HTR4: variants seen among roughly 807,000 people sequenced by gnomAD.
The protein encoded by HTR4 is 5-hydroxytryptamine receptor 4, also known as 5-hydroxytryptamine (serotonin) receptor 4, G protein-coupled.
In HTR4, 16 loss-of-function variants were observed where a neutral mutation model predicts 36.8. That is an observed-to-expected ratio of 0.43 (90% CI 0.29 to 0.66). The LOEUF is 0.66. Among genes scored for constraint, HTR4 ranks in the 30% least tolerant of loss-of-function variants. The pLI, the probability that HTR4 is intolerant of heterozygous loss-of-function variation, is 0.13. For missense variants in HTR4, 438 were observed against 490.9 expected, an observed-to-expected ratio of 0.89 and a Z score of 1.02; for synonymous variants, 189 against 185.1, an observed-to-expected ratio of 1.02 and a Z score of -0.17.
chr5:148,576,120 A>AAAAAAACAAAC (rs1760897954), intron 2 of HTR4, among the ~76,000 whole-genome samples: 2 of 130,782 alleles, frequency 1.5e-5, no homozygotes, highest in African/African-American at 5.7e-5. Flanking sequence ...CAAAAAAAAA[A>AAAAAAACAAAC]AAAAAAAAAA....
At chr5:148,592,326 C>T (rs1053728405) in intron 2 of HTR4, among the ~76,000 whole-genome samples, 2 of 152,116 alleles carry the variant, frequency 1.3e-5, no homozygotes, top group Non-Finnish European at 2.9e-5. Flanking sequence ...GTACAACAAA[C>T]TCCCATGCCC....
At chr5:148,579,293 C>CA (rs1273776239) in intron 2 of HTR4, among the ~76,000 whole-genome samples, 1 of 152,028 alleles carries the variant, frequency 6.6e-6, no homozygotes, top group East Asian at 1.9e-4. Context: ...TCATAGTTCT[C>CA]AGAGTTTGCT....
intron 5 of HTR4, among the ~76,000 whole-genome samples, chr5:148,514,874 GTGTA>G (rs1254258186): frequency 9.9e-5 from 15 of 152,104 alleles, no homozygotes; most frequent in Middle Eastern, 3.4e-3. Flanking sequence ...CACTTGCATA[GTGTA>G]TGTATTTCTA....
chr5:148,471,808 G>A (rs758930539), downstream of HTR4, among the ~76,000 whole-genome samples: 1 of 152,180 alleles, frequency 6.6e-6, no homozygotes, highest in Non-Finnish European at 1.5e-5. Context: ...GTGTGCATAT[G>A]TCCAGATTTT....
At chr5:148,458,155 CA>C (rs1263563417) in intron 5 of HTR4, among the ~76,000 whole-genome samples, 75 of 130,942 alleles carry the variant, frequency 5.7e-4, no homozygotes, top group African/African-American at 1.7e-3. Flanking sequence ...TTTAATATAT[CA>C]TTAAAATATA....
intron 5 of HTR4, among the ~76,000 whole-genome samples, chr5:148,516,532 C>A (rs1757764558): frequency 6.6e-6 from 1 of 151,734 alleles, no homozygotes; most frequent in African/African-American, 2.4e-5. Context: ...ATTGGCCAGG[C>A]TGGTCTTGAA....
intron 5 of HTR4, among the ~76,000 whole-genome samples, chr5:148,457,045 G>C (rs1259596645): frequency 6.6e-6 from 1 of 152,188 alleles, no homozygotes; most frequent in Non-Finnish European, 1.5e-5. Context: ...ACTTAGAGCA[G>C]CTTGGATTTG....
intron 5 of HTR4, among the ~76,000 whole-genome samples, chr5:148,515,592 A>G (rs1402467914): frequency 6.6e-6 from 1 of 152,134 alleles, no homozygotes; most frequent in Non-Finnish European, 1.5e-5. Flanking sequence ...GCATATTTTC[A>G]TTGGGTATAG....
At chr5:148,527,004 T>G (rs1323840718) in intron 4 of HTR4, among the ~76,000 whole-genome samples, 1 of 152,150 alleles carries the variant, frequency 6.6e-6, no homozygotes, top group Non-Finnish European at 1.5e-5. Flanking sequence ...TATTGTATCT[T>G]TCAAAATAGC....
intron 1 of HTR4, among the ~76,000 whole-genome samples, chr5:148,647,774 C>T (rs949330071): frequency 6.6e-6 from 1 of 152,178 alleles, no homozygotes; most frequent in Non-Finnish European, 1.5e-5. Context: ...GCTTGAACCC[C>T]GGAGGCGAAG....
At chr5:148,491,222 G>A (rs764454343) in intron 6 of HTR4, among the ~76,000 whole-genome samples, 46 of 152,146 alleles carry the variant, frequency 3.0e-4, no homozygotes, top group Non-Finnish European at 4.4e-4. Flanking sequence ...CTGCCTAGTG[G>A]AAAGGGCTTA....
At chr5:148,493,019 C>T (rs1221728556) in intron 6 of HTR4, among the ~76,000 whole-genome samples, 1 of 152,244 alleles carries the variant, frequency 6.6e-6, no homozygotes, top group Admixed American at 6.5e-5. Flanking sequence ...TGGAAAGAAG[C>T]TTAGGCCACC....
chr5:148,510,013 C>A lies in HTR4; in HGVS notation c.519G>T (p.Arg173Ser). 6.2e-7 allele frequency: 1 copy of A among 1,608,888 alleles called. No individual in the cohort carries two copies. The highest frequency in any genetic ancestry group is 8.5e-7 in the Non-Finnish European group (1 of 1,176,778). ...NIGIIDLIEK[R>S]KFNQNSNSTY... ...TAGAGTTAGAGTTCTGGTTGAACTTCCTCTTTTCTATCTGAGAGTTGGAGG... is the reference window on the plus strand; with the variant it reads ...TAGAGTTAGAGTTCTGGTTGAACTTACTCTTTTCTATCTGAGAGTTGGAGG... Residue 173 changes from arginine (R) to serine (S), a missense_variant, in exon 6 of 7, where the codon AGG becomes AGT. Physicochemically the swap from Arg to Ser is moderately radical, Grantham distance 110 (BLOSUM62 -1). Transcript: ENST00000377888.
chr5:148,576,883 G>A (rs779868103), intron 2 of HTR4, among the ~76,000 whole-genome samples: 1 of 151,960 alleles, frequency 6.6e-6, no homozygotes, highest in Non-Finnish European at 1.5e-5. Context: ...GACAAGCTAG[G>A]CAATACCATC....
chr5:148,541,625 G>C (rs113792858), intron 4 of HTR4, among the ~76,000 whole-genome samples: 14 of 152,266 alleles, frequency 9.2e-5, no homozygotes, highest in African/African-American at 3.4e-4. Context: ...AAAAATAAAA[G>C]AAACCCAAGG....
intron 2 of HTR4, among the ~76,000 whole-genome samples, chr5:148,557,096 T>C (rs577074085): frequency 3.5e-4 from 54 of 152,244 alleles, no homozygotes; most frequent in African/African-American, 1.3e-3. Flanking sequence ...AGGGCTTTTT[T>C]GTGCTCTAGG....
At chr5:148,651,479 C>G (rs773927658) in intron 1 of HTR4, among the ~76,000 whole-genome samples, 1 of 151,994 alleles carries the variant, frequency 6.6e-6, no homozygotes, top group Admixed American at 6.6e-5. Context: ...AGGAGGGGTA[C>G]TTTGCCCACC....
chr5:148,576,048 A>T (rs1486762166), intron 2 of HTR4, among the ~76,000 whole-genome samples: 3 of 149,318 alleles, frequency 2.0e-5, no homozygotes, highest in African/African-American at 7.4e-5. Flanking sequence ...TCAGGATACA[A>T]AATCAATGTA....
At chr5:148,472,281 A>C (rs1003165897), downstream of HTR4, among the ~76,000 whole-genome samples, 1 of 152,238 alleles carries the variant, frequency 6.6e-6, no homozygotes, top group Non-Finnish European at 1.5e-5. Flanking sequence ...AATGCCTGGC[A>C]CACAGTGGGT....
Sources: allele counts gnomAD v4.1 joint callset (sites outside exome capture counted in the v4.1 genomes callset), GRCh38; gene constraint gnomAD v4.1.1; transcripts MANE v1.5; gene names NCBI Gene and HGNC (gene_info 2026-07-23, HGNC 2026-07-21).